Variants in PLPP3 observed in about 807,000 individuals in gnomAD.
PLPP3 encodes the protein phospholipid phosphatase 3.
Under a neutral mutation model 29.6 loss-of-function variants are expected in PLPP3, and 6 were observed. The ratio of observed to expected loss-of-function variants is 0.20; its 90% CI spans 0.11 to 0.40. The LOEUF (loss-of-function observed/expected upper bound fraction) is 0.40. Ranked by LOEUF, PLPP3 falls within the 10% of genes least tolerant of loss-of-function variation. The pLI is 1.00. For synonymous variants in PLPP3, 152 were observed against 159.7 expected (o/e 0.95, Z 0.36); for missense variants, 308 against 407.7 (o/e 0.76, Z 2.11).
intron 1 of PLPP3, among the ~76,000 whole-genome samples, chr1:56,574,002 C>A (rs1221682745): frequency 6.6e-6 from 1 of 152,100 alleles, no homozygotes; most frequent in Non-Finnish European, 1.5e-5. Flanking sequence ...GAGATCGAGA[C>A]CATCTTGGCT....
At chr1:56,505,330 C>T (rs552705441) in intron 5 of PLPP3, among the ~76,000 whole-genome samples, 1 of 152,338 alleles carries the variant, frequency 6.6e-6, no homozygotes, top group South Asian at 2.1e-4. Context: ...GTGACTTGCC[C>T]TGACAGCCTA....
intron 4 of PLPP3, 46 bp downstream of exon 4, chr1:56,523,777 C>G: frequency 3.2e-6 from 5 of 1,570,084 alleles, no homozygotes; most frequent in Admixed American, 1.7e-5. Context: ...CAGAAGGGAT[C>G]GAAGCTGGAA....
Position 56,517,856 on chromosome 1 carries a change from C to T in PLPP3, c.634-5704G>A, listed in dbSNP as rs373474356. Among the ~76,000 whole-genome samples the T allele has an allele frequency of 1.1e-4, 16 of 152,312 alleles. No homozygotes were observed. The East Asian group carries it at 1.4e-3, about 13-fold the overall frequency. On this transcript the variant is annotated intron_variant, in intron 4 of 5. Coordinates refer to ENST00000371250, the MANE Select transcript of PLPP3 (RefSeq NM_003713.5). ...TCAACCTCCACATTTGAAACACAAG[C>T]GTACAGCTTTTGTAAGAGTTACAGT...
chr1:56,570,990 A>G (rs1207467263), intron 1 of PLPP3, among the ~76,000 whole-genome samples: 1 of 152,218 alleles, frequency 6.6e-6, no homozygotes, highest in Non-Finnish European at 1.5e-5. Flanking sequence ...ATCCACTGAT[A>G]TGGATTAAAA....
chr1:56,550,477 C>G (rs938798044), intron 1 of PLPP3, among the ~76,000 whole-genome samples: 1 of 152,148 alleles, frequency 6.6e-6, no homozygotes, highest in African/African-American at 2.4e-5. Context: ...AAGGAGCCAG[C>G]TTCTCTCAGA....
chr1:56,545,760 G>C (rs1463420215), intron 1 of PLPP3, among the ~76,000 whole-genome samples: 1 of 152,322 alleles, frequency 6.6e-6, no homozygotes, highest in East Asian at 1.9e-4. Context: ...ATGCTACCCA[G>C]GTGTACACAA....
intron 1 of PLPP3, among the ~76,000 whole-genome samples, chr1:56,555,188 G>A (rs188279057): frequency 3.0e-4 from 46 of 151,934 alleles, no homozygotes; most frequent in African/African-American, 1.1e-3. Context: ...TGAAACCAAT[G>A]CTGTTGCCAT....
At chr1:56,576,769 G>T (rs1014291443) in intron 1 of PLPP3, among the ~76,000 whole-genome samples, 34 of 152,118 alleles carry the variant, frequency 2.2e-4, no homozygotes, top group Admixed American at 2.2e-3. Context: ...GGGGACGGGG[G>T]ATAGTGGGGA....
At chr1:56,539,665 G>T (rs371269217) in intron 1 of PLPP3, among the ~76,000 whole-genome samples, 2 of 152,168 alleles carry the variant, frequency 1.3e-5, no homozygotes, top group East Asian at 1.9e-4. Context: ...TGGAGGAGAG[G>T]GGGGCAGGGA....
intron 1 of PLPP3, among the ~76,000 whole-genome samples, chr1:56,572,291 C>G (rs568735833): frequency 6.6e-6 from 1 of 152,030 alleles, no homozygotes; most frequent in Admixed American, 6.6e-5. Flanking sequence ...CTCAGGTGAT[C>G]CACCTGCCTC....
Position 56,549,006 on chromosome 1 carries a change from A to G in PLPP3, c.140-11894T>C, listed in dbSNP as rs1257578681. On this transcript the variant is annotated intron_variant, in intron 1 of 5. Transcript: ENST00000371250. ...CCAACCTTTAATGCTAAGGAAAAAA[A>G]TTAGAAAAGTACTTTGAGGGAGCCC... Among the ~76,000 whole-genome samples the G allele has an allele frequency of 3.9e-5, 6 of 152,326 alleles. No individual in the cohort carries two copies. The South Asian group carries it at 1.2e-3, about 32-fold the overall frequency.
At chr1:56,521,767 T>G (rs78439702) in intron 4 of PLPP3, among the ~76,000 whole-genome samples, 1 of 111,032 alleles carries the variant, frequency 9.0e-6, no homozygotes, top group East Asian at 2.0e-4. Context: ...TCCCTCTTTC[T>G]CTTCCTTCCT....
chr1:56,505,487 A>G (rs1645696367), intron 5 of PLPP3, among the ~76,000 whole-genome samples: 1 of 152,180 alleles, frequency 6.6e-6, no homozygotes, highest in Admixed American at 6.5e-5. Flanking sequence ...CCACTTAAAC[A>G]CAAATTTTCT....
At chr1:56,503,110 C>A (rs1342007512) in intron 5 of PLPP3, among the ~76,000 whole-genome samples, 1 of 151,298 alleles carries the variant, frequency 6.6e-6, no homozygotes, top group Non-Finnish European at 1.5e-5. Context: ...ATGGGATTAT[C>A]CAACTGCAAT....
chr1:56,517,988 G>A (rs1645793815), intron 4 of PLPP3, among the ~76,000 whole-genome samples: 1 of 152,142 alleles, frequency 6.6e-6, no homozygotes, highest in East Asian at 1.9e-4. Context: ...CCACCCCTAA[G>A]CAGAGAATGC....
At chr1:56,567,027 G>A (rs1317107538) in intron 1 of PLPP3, among the ~76,000 whole-genome samples, 7 of 152,094 alleles carry the variant, frequency 4.6e-5, no homozygotes, top group Non-Finnish European at 1.0e-4. Context: ...CAGATCCCAG[G>A]GATATATAGG....
chr1:56,529,137 C>T (rs1645870878), intron 2 of PLPP3, among the ~76,000 whole-genome samples: 1 of 151,974 alleles, frequency 6.6e-6, no homozygotes, highest in Admixed American at 6.6e-5. Context: ...CTTCTCACAA[C>T]ACCATATGAA....
intron 5 of PLPP3, among the ~76,000 whole-genome samples, chr1:56,509,533 A>G (rs1484541242): frequency 6.6e-6 from 1 of 152,152 alleles, no homozygotes; most frequent in Non-Finnish European, 1.5e-5. Flanking sequence ...CAATGGCTTA[A>G]TGTGACTAAA....
intron 1 of PLPP3, chr1:56,538,594 G>A: frequency 2.8e-6 from 1 of 362,628 alleles, no homozygotes; most frequent in Non-Finnish European, 5.3e-6. Flanking sequence ...AATGGGTACT[G>A]CTCTAAAAAG....
Sources: allele counts gnomAD v4.1 joint callset (sites outside exome capture counted in the v4.1 genomes callset), GRCh38; gene constraint gnomAD v4.1.1; transcripts MANE v1.5; gene names NCBI Gene and HGNC (gene_info 2026-07-23, HGNC 2026-07-21).